The following TGFBR2 variants were observed in gnomAD, a reference collection of about 807,000 sequenced individuals.
TGFBR2 encodes transforming growth factor beta receptor 2.
Under a neutral mutation model 49.0 loss-of-function variants are expected in TGFBR2, and 18 were observed. The ratio of observed to expected loss-of-function variants is 0.37; its 90% CI spans 0.25 to 0.54. The LOEUF is 0.54. Among genes scored for constraint, TGFBR2 ranks in the 20% least tolerant of loss-of-function variants. The pLI, the probability that TGFBR2 is intolerant of heterozygous loss-of-function variation, is 0.85. For missense variants in TGFBR2, 525 were observed against 722.6 expected (o/e 0.73, Z 3.13); for synonymous variants, 282 against 275.9 (o/e 1.02, Z -0.22).
intron 1 of TGFBR2, among the ~76,000 whole-genome samples, chr3:30,631,141 A>G (rs1262727819): frequency 6.6e-6 from 1 of 150,468 alleles, no homozygotes; most frequent in African/African-American, 2.5e-5. Flanking sequence ...CCTGGGTTCA[A>G]GTGATTCTCC....
At chr3:30,663,178 CTCTT>C (rs948037845) in intron 3 of TGFBR2, among the ~76,000 whole-genome samples, 4 of 151,082 alleles carry the variant, frequency 2.6e-5, no homozygotes, top group Admixed American at 2.6e-4. Flanking sequence ...AGCTTTCACT[CTCTT>C]TCTGTGTGTG....
intron 6 of TGFBR2, among the ~76,000 whole-genome samples, chr3:30,689,365 C>T (rs1405067997): frequency 1.3e-5 from 2 of 152,194 alleles, no homozygotes; most frequent in Non-Finnish European, 2.9e-5. Context: ...CAGTGTGGCC[C>T]TATCTCACTG....
chr3:30,627,304 A>G (rs1220294738), intron 1 of TGFBR2, among the ~76,000 whole-genome samples: 1 of 152,106 alleles, frequency 6.6e-6, no homozygotes, highest in Non-Finnish European at 1.5e-5. Flanking sequence ...ACAAGTCCCC[A>G]CTTCAGGTTT....
intron 1 of TGFBR2, among the ~76,000 whole-genome samples, chr3:30,638,550 G>A (rs984837499): frequency 6.6e-6 from 1 of 152,136 alleles, no homozygotes; most frequent in Admixed American, 6.5e-5. Flanking sequence ...ATTAGATAAA[G>A]CATTAGGGTT....
At chr3:30,653,393 A>G (rs1698933577) in intron 3 of TGFBR2, among the ~76,000 whole-genome samples, 1 of 151,588 alleles carries the variant, frequency 6.6e-6, no homozygotes, top group Admixed American at 6.6e-5. Flanking sequence ...CTGGGATTAC[A>G]GGCATCTGCC....
chr3:30,641,240 G>A (rs1426653533), intron 1 of TGFBR2, among the ~76,000 whole-genome samples: 2 of 152,172 alleles, frequency 1.3e-5, no homozygotes, highest in East Asian at 1.9e-4. Context: ...CAACTCCAAA[G>A]TGTGTTCATA....
chr3:30,661,279 A>G (rs1294773139), intron 3 of TGFBR2, among the ~76,000 whole-genome samples: 1 of 148,094 alleles, frequency 6.8e-6, no homozygotes, highest in African/African-American at 2.5e-5. Flanking sequence ...CAAAGAACAT[A>G]TATCAGGTGT....
chr3:30,652,232 GTTTTTTTTTTTTTTT>G (rs11386584), intron 3 of TGFBR2, among the ~76,000 whole-genome samples: 1 of 97,030 alleles, frequency 1.0e-5, no homozygotes, highest in Non-Finnish European at 1.9e-5. Context: ...TTTTCTGGTT[GTTTTTTTTTTTTTTT>G]TTTTTTTGAC....
intron 1 of TGFBR2, 63 bp from the exon 2 acceptor site, chr3:30,644,684 G>T (rs901911133): frequency 6.7e-7 from 1 of 1,497,860 alleles, no homozygotes; most frequent in African/African-American, 1.4e-5. Context: ...ACATCTTCAG[G>T]AATTCATTGG....
Position 30,648,419 on chromosome 3 carries a change from T to TACACACACACACACACACACAC in TGFBR2, c.264-1829_264-1808dup, listed in dbSNP as rs35473576. Among the ~76,000 whole-genome samples, 40 of 115,614 alleles carry TACACACACACACACACACACAC rather than the reference T, an allele frequency of 3.5e-4. 1 individual carries two copies. Among genetic ancestry groups the TACACACACACACACACACACAC allele is most frequent in the African/African-American group, 9.9e-4 (32 of 32,402 alleles). 75.8% of individuals were successfully genotyped at this position (115,614 alleles called of 152,430 possible). A position where few individuals can be genotyped will look rare whatever the true frequency, so the allele number is the denominator to read the frequency against. On this transcript the variant is annotated intron_variant, in intron 2 of 6. Transcript: ENST00000295754. ...TTTATTACCCAAACCAAAAACAACC[T>TACACACACACACACACACACAC]ACACACACACACACACACACACACA...
chr3:30,649,123 TTACTC>T (rs1698831465), intron 2 of TGFBR2, among the ~76,000 whole-genome samples: 1 of 152,130 alleles, frequency 6.6e-6, no homozygotes. Context: ...TCATAGAAGA[TTACTC>T]TAGCAAAACT....
At chr3:30,655,387 A>G (rs2125415607) in intron 3 of TGFBR2, among the ~76,000 whole-genome samples, 1 of 152,306 alleles carries the variant, frequency 6.6e-6, no homozygotes, top group South Asian at 2.1e-4. Context: ...TCCCTGTTTC[A>G]TCCAGTTTCT....
intron 1 of TGFBR2, among the ~76,000 whole-genome samples, chr3:30,628,528 GTTTTTTTT>G (rs569832149): frequency 8.2e-4 from 66 of 80,192 alleles, no homozygotes; most frequent in Admixed American, 4.8e-3. Context: ...AAGCCTGTGG[GTTTTTTTT>G]TTTTTTTTTT....
In TGFBR2 at chr3:30,678,562, A is replaced by AAT. The variant is rs759599245; in HGVS notation, c.1396+4317_1396+4318insTA. On this transcript the variant is annotated intron_variant, in intron 5 of 6. Transcript: ENST00000295754. ...GACTGCGTCTAAAAAAAAAAAAAAA[A>AAT]AAAAAAGAGGTATGGTCCACCTCAA... Among the ~76,000 whole-genome samples, 1,377 of 151,312 alleles carry AAT rather than the reference A, an allele frequency of 9.1e-3. 12 individuals are homozygous for AAT. The highest frequency in any genetic ancestry group is 0.014 in the Non-Finnish European group (967 of 67,760).
chr3:30,659,535 G>T (rs1484060418), intron 3 of TGFBR2, among the ~76,000 whole-genome samples: 1 of 151,656 alleles, frequency 6.6e-6, no homozygotes, highest in African/African-American at 2.4e-5. Context: ...CGCTTTTCAA[G>T]ATTTTTTTTT....
rs1698862373 is a variant in TGFBR2, at chr3:30,650,476, T to C, written c.454+16T>C. On this transcript the variant is annotated intron_variant, in intron 3 of 6. Transcript: ENST00000295754. ...TTCTCAGAAGGTGAGTTTTCTTCTC[T>C]TAAGGGTGTGGGACCTGAGATCTGT... 2 of 1,613,718 alleles carry C rather than the reference T, an allele frequency of 1.2e-6. No individual in the cohort carries two copies. The highest frequency in any genetic ancestry group is 1.7e-5 in the Admixed American group (1 of 59,994).
intron 1 of TGFBR2, among the ~76,000 whole-genome samples, chr3:30,614,930 A>C (rs889979874): frequency 1.3e-5 from 2 of 152,180 alleles, no homozygotes; most frequent in African/African-American, 4.8e-5. Context: ...GAGAAATAAT[A>C]ATATCCAACA....
intron 3 of TGFBR2, among the ~76,000 whole-genome samples, chr3:30,655,359 G>T (rs1269147253): frequency 6.6e-6 from 1 of 152,078 alleles, no homozygotes; most frequent in Non-Finnish European, 1.5e-5. Context: ...GGTTTTGGAG[G>T]GGCTCACTTT....
At chr3:30,636,155 A>ATGTGTGTGTGTGTG (rs61296907) in intron 1 of TGFBR2, among the ~76,000 whole-genome samples, 77 of 134,716 alleles carry the variant, frequency 5.7e-4, no homozygotes, top group East Asian at 9.0e-4. Context: ...ATATATATGT[A>ATGTGTGTGTGTGTG]TGTGTGTGTG....
Sources: gnomAD v4.1 joint callset for allele counts (sites outside exome capture counted in the v4.1 genomes callset) on GRCh38, gnomAD v4.1.1 for gene constraint, MANE v1.5 for transcripts, NCBI Gene and HGNC (gene_info 2026-07-23, HGNC 2026-07-21) for gene names.